Variants in IGSF11 observed in about 807,000 individuals in gnomAD.
IGSF11 encodes immunoglobulin superfamily member 11.
A neutral mutation model predicts 41.0 loss-of-function variants in IGSF11; 22 were observed. The observed-to-expected ratio is 0.54, with a 90% CI of 0.38 to 0.77. IGSF11 has a LOEUF of 0.77. Ranked by LOEUF, IGSF11 falls within the 30% of genes least tolerant of loss-of-function variation. The pLI is 0.00. For synonymous variants in IGSF11, 219 were observed against 201.3 expected, an observed-to-expected ratio of 1.09 and a Z score of -0.74; for missense variants, 444 against 530.8, an observed-to-expected ratio of 0.84 and a Z score of 1.61.
intron 4 of IGSF11, among the ~76,000 whole-genome samples, chr3:118,924,833 T>C (rs1942147101): frequency 6.6e-6 from 1 of 152,054 alleles, no homozygotes; most frequent in Non-Finnish European, 1.5e-5. Flanking sequence ...TGATACCCCT[T>C]TATTTTTGTT....
intron 1 of IGSF11, among the ~76,000 whole-genome samples, chr3:119,081,493 C>T (rs1220896213): frequency 6.6e-6 from 1 of 152,184 alleles, no homozygotes; most frequent in Admixed American, 6.5e-5. Context: ...ATTTTATATA[C>T]ACTAAGTATG....
rs965595331 is a variant in IGSF11 at position 119,073,671 on chromosome 3, C to T, written c.49+31473G>A. On this transcript the variant is annotated intron_variant, in intron 1 of 6. Coordinates refer to the IGSF11 transcript ENST00000354673. ...TGCTAAGCCCCTCACTGCCCAGGGC[C>T]GGGAGCACCGGCCGGCTGCTCCAAG... Among the ~76,000 whole-genome samples the T allele has an allele frequency of 2.0e-5, 3 of 152,216 alleles. 1 individual carries two copies. The highest frequency in any genetic ancestry group is 1.9e-4 in the East Asian group (1 of 5,182).
rs529537317 is a variant in IGSF11 at position 119,005,108 on chromosome 3, G to A, written c.52+29423C>T. Among the ~76,000 whole-genome samples, 8 of 148,500 alleles carry A rather than the reference G, an allele frequency of 5.4e-5. No individual in the cohort carries two copies. In the East Asian group the frequency reaches 1.6e-3, roughly 29 times the overall value. On this transcript the variant is annotated intron_variant, in intron 1 of 6. Transcript: ENST00000393775. ...AATGTTTGGGAGTCTAAGTCTCTTTGTAGGTCACTCAGGACTTGCTTTATG... is the reference window on the plus strand; with the variant it reads ...AATGTTTGGGAGTCTAAGTCTCTTTATAGGTCACTCAGGACTTGCTTTATG...
rs1431848796 is a variant in IGSF11, at chr3:118,919,088, C to T, written c.580+7013G>A. Among the ~76,000 whole-genome samples, 1,308 of 138,192 alleles carry T rather than the reference C, an allele frequency of 9.5e-3. 19 individuals are homozygous for T. The highest frequency in any genetic ancestry group is 0.04 in the African/African-American group (1,211 of 30,570). The allele number at this position is 138,192 out of a possible 152,430, so 90.7% of individuals were successfully genotyped here. On this transcript the variant is annotated intron_variant, in intron 4 of 6. Coordinates refer to ENST00000393775, the MANE Select transcript of IGSF11 (RefSeq NM_001015887.3). The stretch of plus-strand genomic sequence containing the variant: ...AAGCTGAAACTGGATCCCTTCCTTA[C>T]ACCTTATAGAAAAATCAATTCAAGA...
At chr3:118,976,686 G>A (rs941700226) in intron 1 of IGSF11, among the ~76,000 whole-genome samples, 1 of 152,214 alleles carries the variant, frequency 6.6e-6, no homozygotes, top group Admixed American at 6.5e-5. Flanking sequence ...CTTCCCCGAA[G>A]TTATAAGCCA....
chr3:118,911,584 A>G (rs1940304937), intron 4 of IGSF11, among the ~76,000 whole-genome samples: 1 of 152,132 alleles, frequency 6.6e-6, no homozygotes, highest in African/African-American at 2.4e-5. Context: ...GTAAGCTGTC[A>G]TCATGCCACT....
intron 1 of IGSF11, among the ~76,000 whole-genome samples, chr3:119,059,024 A>C (rs945882639): frequency 3.3e-5 from 5 of 151,834 alleles, no homozygotes; most frequent in Non-Finnish European, 7.3e-5. Flanking sequence ...ACCTAATGCT[A>C]GATGACGAGT....
chr3:119,024,282 T>C (rs755924632), intron 1 of IGSF11, among the ~76,000 whole-genome samples: 3 of 152,080 alleles, frequency 2.0e-5, no homozygotes, highest in Non-Finnish European at 4.4e-5. Context: ...TTTCAGAAAA[T>C]ATTCTCACGA....
chr3:119,049,739 A>C (rs1020554988), intron 1 of IGSF11, among the ~76,000 whole-genome samples: 33 of 152,144 alleles, frequency 2.2e-4, no homozygotes, highest in Admixed American at 9.2e-4. Flanking sequence ...CACTACCTGA[A>C]TTCAAACTAT....
rs111941506 is a variant in IGSF11 at position 119,034,618 on chromosome 3, G to A, written c.-36C>T. ...CAGGGAGCGCGCCTGCCTCCTACCC[G>A]GCTCCCGGTCGCAACAGGAGAGGAG... On this transcript the variant is annotated 5_prime_UTR_variant, in exon 1 of 7. Coordinates refer to ENST00000393775, the MANE Select transcript of IGSF11 (RefSeq NM_001015887.3). The A allele has an allele frequency of 1.0e-5, 16 of 1,559,946 alleles. 1 individual carries two copies. The highest frequency in any genetic ancestry group is 9.6e-5 in the South Asian group (8 of 83,446).
chr3:118,911,667 A>G (rs1314526208), intron 4 of IGSF11, among the ~76,000 whole-genome samples: 4 of 151,822 alleles, frequency 2.6e-5, no homozygotes, highest in African/African-American at 9.7e-5. Flanking sequence ...GAGAGAGAAC[A>G]AAGAGGAGAG....
At chr3:119,094,281 C>T (rs2076814225) in intron 1 of IGSF11, among the ~76,000 whole-genome samples, 1 of 100,230 alleles carries the variant, frequency 1.0e-5, no homozygotes, top group South Asian at 4.0e-4. Flanking sequence ...ATAAATATTA[C>T]TCATTTTTTG....
intron 1 of IGSF11, among the ~76,000 whole-genome samples, chr3:119,080,616 A>G (rs1209896158): frequency 6.6e-6 from 1 of 152,198 alleles, no homozygotes; most frequent in Non-Finnish European, 1.5e-5. Context: ...GGAGATGTGA[A>G]GTTGATAATT....
chr3:119,133,250 A>T (rs534396814), intron 1 of IGSF11, among the ~76,000 whole-genome samples: 1 of 152,314 alleles, frequency 6.6e-6, no homozygotes, highest in Admixed American at 6.5e-5. Context: ...GACACAAAAA[A>T]ACCCTTCAAA....
chr3:119,062,950 T>G (rs528373745), intron 1 of IGSF11, among the ~76,000 whole-genome samples: 1 of 152,104 alleles, frequency 6.6e-6, no homozygotes, highest in Non-Finnish European at 1.5e-5. Flanking sequence ...CCCCTCACTA[T>G]GAGAAAAGGA....
In IGSF11 at chr3:119,103,573, T is replaced by C. The variant is rs1355958699; in HGVS notation, c.49+1571A>G. Among the ~76,000 whole-genome samples the C allele has an allele frequency of 2.0e-5, 3 of 152,224 alleles. No homozygotes were observed. In the East Asian group the frequency reaches 5.8e-4, roughly 29 times the overall value. ...AAATTCTTCCCAGTTAACAGTTATG[T>C]TTCTTATGACACAAGGTTATGCGTA... On this transcript the variant is annotated intron_variant, in intron 1 of 6. Transcript: ENST00000354673.
chr3:119,076,314 G>A (rs2076498395), intron 1 of IGSF11, among the ~76,000 whole-genome samples: 1 of 152,126 alleles, frequency 6.6e-6, no homozygotes, highest in Non-Finnish European at 1.5e-5. Flanking sequence ...AACCCTAGAA[G>A]AAAACCTAGG....
chr3:118,997,920 A>G (rs1262357116), intron 1 of IGSF11, among the ~76,000 whole-genome samples: 1 of 152,204 alleles, frequency 6.6e-6, no homozygotes, highest in African/African-American at 2.4e-5. Flanking sequence ...ATAAGTAACC[A>G]TTACTTTTCC....
At chr3:119,126,161 C>T (rs1281440190) in intron 1 of IGSF11, among the ~76,000 whole-genome samples, 1 of 152,244 alleles carries the variant, frequency 6.6e-6, no homozygotes, top group East Asian at 1.9e-4. Context: ...ATTTCTATAG[C>T]TCCAGGCTGC....
Sources: gnomAD v4.1 joint callset for allele counts (sites outside exome capture counted in the v4.1 genomes callset) on GRCh38, gnomAD v4.1.1 for gene constraint, MANE v1.5 for transcripts, NCBI Gene and HGNC (gene_info 2026-07-23, HGNC 2026-07-21) for gene names.